Variants in KCNH8 observed in about 807,000 individuals in gnomAD.
KCNH8 encodes potassium voltage-gated channel subfamily H member 8.
KCNH8 carries 70 observed loss-of-function variants against 103.6 expected under a neutral mutation model. The ratio of observed to expected loss-of-function variants is 0.68; its 90% confidence interval spans 0.56 to 0.82. The LOEUF is 0.82. Among genes scored for constraint, KCNH8 ranks in the 40% least tolerant of loss-of-function variants. The pLI is 0.00. For synonymous variants in KCNH8, 498 were observed against 489.4 expected (o/e 1.02, Z -0.23); for missense variants, 1,217 against 1,329.9 (o/e 0.92, Z 1.32).
intron 1 of KCNH8, among the ~76,000 whole-genome samples, chr3:19,160,455 GAAC>G (rs963687319): frequency 6.6e-6 from 1 of 151,998 alleles, no homozygotes; most frequent in Admixed American, 6.6e-5. Context: ...TCAAGATTTA[GAAC>G]AACATCCTCA....
chr3:19,513,102 C>T lies in KCNH8; in HGVS notation c.2212C>T (p.Arg738Cys), dbSNP rs138619397. 4.3e-5 allele frequency: 69 copies of T among 1,613,812 alleles called. No individual in the cohort carries two copies. In the African/African-American group the frequency reaches 5.3e-4, roughly 12 times the overall value. Residue 738 changes from arginine to cysteine, a missense_variant, in exon 13 of 16, where the codon CGC becomes TGC. This residue lies in a region of KCNH8 where 558 missense variants were observed against 495.8 expected (regional missense o/e 1.13). Transcript: ENST00000328405. ...SPICTRGSSS[R>C]NKKVGSNKAY... Reference sequence around the variant, plus strand: ...CATCTGCACAAGGGGATCTTCTTCGCGCAACAAGAAGGTTGGAAGCAATAA... The same window carrying T: ...CATCTGCACAAGGGGATCTTCTTCGTGCAACAAGAAGGTTGGAAGCAATAA...
At chr3:19,287,182 A>AG (rs1159083634) in intron 3 of KCNH8, among the ~76,000 whole-genome samples, 1 of 152,142 alleles carries the variant, frequency 6.6e-6, no homozygotes, top group Non-Finnish European at 1.5e-5. Context: ...GGAAAGAAGT[A>AG]GGTCAAGGGT....
intron 1 of KCNH8, among the ~76,000 whole-genome samples, chr3:19,229,566 C>T (rs1283960027): frequency 1.3e-5 from 2 of 152,188 alleles, no homozygotes; most frequent in African/African-American, 4.8e-5. Context: ...GCACCAAGTC[C>T]GTAGGCTGCG....
At chr3:19,266,208 A>G (rs1179388883) in intron 2 of KCNH8, among the ~76,000 whole-genome samples, 1 of 152,114 alleles carries the variant, frequency 6.6e-6, no homozygotes, top group Admixed American at 6.6e-5. Context: ...GTCCCAGCCT[A>G]CAATCTCTTT....
At chr3:19,324,568 A>G (rs2065395137) in intron 3 of KCNH8, among the ~76,000 whole-genome samples, 1 of 152,158 alleles carries the variant, frequency 6.6e-6, no homozygotes, top group Non-Finnish European at 1.5e-5. Flanking sequence ...AAACCTTACC[A>G]TGAACGAATT....
chr3:19,420,786 A>T (rs1388887037), intron 7 of KCNH8, among the ~76,000 whole-genome samples: 1 of 152,240 alleles, frequency 6.6e-6, no homozygotes, highest in Non-Finnish European at 1.5e-5. Context: ...AAATAATACC[A>T]TGATACATCA....
rs753321841 is a variant in KCNH8 at position 19,438,222 on chromosome 3, G to T, written c.1236G>T (p.Leu412Phe). The T allele has an allele frequency of 1.2e-5, 20 of 1,613,860 alleles. No homozygotes were observed. The South Asian group carries it at 1.9e-4, about 15-fold the overall frequency. The change falls in exon 8 of 16, where the codon TTG becomes TTT. Residue 412 changes from leucine (L) to phenylalanine (F), a missense_variant. Physicochemically the swap from Leu to Phe is conservative, Grantham distance 22 (BLOSUM62 0). This residue lies in a region of KCNH8 where 415 missense variants were observed against 577.4 expected (regional missense o/e 0.72). Transcript: ENST00000328405. The part of the protein sequence containing the change: ...LESPYYGNNT[L>F]GGPSIRSAYI... ...CTCCATACTATGGCAACAATACCTT[G>T]GGGGGCCCGTCGATCCGAAGTGCCT...
At chr3:19,460,415 A>C (rs2067604419) in intron 11 of KCNH8, among the ~76,000 whole-genome samples, 1 of 152,156 alleles carries the variant, frequency 6.6e-6, no homozygotes. Context: ...TGTTCAAGTT[A>C]GGAGTTGGCT....
At chr3:19,263,497 G>A (rs1481731306) in intron 2 of KCNH8, among the ~76,000 whole-genome samples, 1 of 152,088 alleles carries the variant, frequency 6.6e-6, no homozygotes, top group Non-Finnish European at 1.5e-5. Context: ...GCAGGTATAA[G>A]ATGGCTTCAC....
chr3:19,431,329 G>A (rs962195209), intron 7 of KCNH8, among the ~76,000 whole-genome samples: 2 of 152,218 alleles, frequency 1.3e-5, no homozygotes, highest in African/African-American at 4.8e-5. Context: ...TTTCTGGCGT[G>A]AAGCCTACTT....
chr3:19,450,580 T>G (rs2067432124), intron 9 of KCNH8: 1 of 429,038 alleles, frequency 2.3e-6, no homozygotes, highest in Non-Finnish European at 4.3e-6. Context: ...TTCAAAGGAA[T>G]CAATTCTTAC....
chr3:19,494,854 G>A (rs1292969200), intron 11 of KCNH8, among the ~76,000 whole-genome samples: 1 of 151,578 alleles, frequency 6.6e-6, no homozygotes, highest in Non-Finnish European at 1.5e-5. Context: ...CCGTAACCTT[G>A]CTAGCATTTA....
intron 11 of KCNH8, among the ~76,000 whole-genome samples, chr3:19,502,708 A>G (rs866086278): frequency 0.025 from 3,713 of 151,146 alleles, 164 homozygotes; most frequent in African/African-American, 0.085. Flanking sequence ...TGGTGCTGGG[A>G]AAACTGGCTA....
At chr3:19,338,869 G>C (rs561781060) in intron 3 of KCNH8, among the ~76,000 whole-genome samples, 4 of 152,018 alleles carry the variant, frequency 2.6e-5, no homozygotes, top group Non-Finnish European at 5.9e-5. Context: ...TGTAAGTTCA[G>C]TTTAATGGAA....
intron 1 of KCNH8, among the ~76,000 whole-genome samples, chr3:19,204,987 TA>T (rs2063699655): frequency 6.6e-6 from 1 of 151,950 alleles, no homozygotes; most frequent in Admixed American, 6.6e-5. Context: ...CTATACCTAT[TA>T]GGGGGCATAT....
At chr3:19,199,363 C>T (rs980498018) in intron 1 of KCNH8, among the ~76,000 whole-genome samples, 1 of 151,904 alleles carries the variant, frequency 6.6e-6, no homozygotes, top group Non-Finnish European at 1.5e-5. Flanking sequence ...AAACAAAGGG[C>T]ATCACATCCT....
intron 11 of KCNH8, among the ~76,000 whole-genome samples, chr3:19,501,573 C>G (rs1210054270): frequency 1.3e-5 from 2 of 152,146 alleles, no homozygotes; most frequent in African/African-American, 2.4e-5. Flanking sequence ...AAAACGTTAT[C>G]CACCATGATC....
chr3:19,347,970 G>A lies in KCNH8; in HGVS notation c.811+5G>A. The A allele has an allele frequency of 6.2e-7, 1 of 1,610,566 alleles. No individual in the cohort carries two copies. Among genetic ancestry groups the A allele is most frequent in the South Asian group, 1.1e-5 (1 of 90,782 alleles). On this transcript the variant is annotated splice_donor_5th_base_variant and intron_variant, in intron 5 of 15. Coordinates refer to ENST00000328405, the MANE Select transcript of KCNH8 (RefSeq NM_144633.3). Reference sequence around the variant, plus strand: ...TGGAGATTCTTTTTATTATAGGTAAGAACAAACAGCTGCTTTCCTACGATA... The same window carrying A: ...TGGAGATTCTTTTTATTATAGGTAAAAACAAACAGCTGCTTTCCTACGATA...
chr3:19,483,663 C>A (rs1220552442), intron 11 of KCNH8, among the ~76,000 whole-genome samples: 1 of 152,160 alleles, frequency 6.6e-6, no homozygotes, highest in East Asian at 1.9e-4. Flanking sequence ...GGTACTGGCA[C>A]ATTTAGTTCA....
Sources: allele counts gnomAD v4.1 joint callset (sites outside exome capture counted in the v4.1 genomes callset), GRCh38; gene constraint gnomAD v4.1.1; regional missense constraint gnomAD v4.1.1; transcripts MANE v1.5; gene names NCBI Gene and HGNC (gene_info 2026-07-23, HGNC 2026-07-21).